Variants in EYS observed in about 807,000 individuals in gnomAD.
EYS encodes EGF-like photoreceptor maintenance factor.
EYS carries 250 observed loss-of-function variants against 282.1 expected under a neutral mutation model. That is an observed-to-expected ratio of 0.89 (90% CI 0.80 to 0.98). EYS has a LOEUF of 0.98. EYS is among the 50% of genes least tolerant of loss of function. The pLI, the probability that EYS is intolerant of heterozygous loss-of-function variation, is 0.00. For missense variants in EYS, 4,016 were observed against 3,709.0 expected (o/e 1.08, Z -2.15); for synonymous variants, 1,355 against 1,282.9 (o/e 1.06, Z -1.20).
chr6:64,913,103 C>G (rs1245046119), intron 15 of EYS, among the ~76,000 whole-genome samples: 2 of 151,970 alleles, frequency 1.3e-5, no homozygotes, highest in African/African-American at 4.8e-5. Flanking sequence ...TATTTATAAG[C>G]CTTAAATGCT....
At chr6:65,007,380 G>C (rs1407239390) in intron 13 of EYS, among the ~76,000 whole-genome samples, 1 of 152,110 alleles carries the variant, frequency 6.6e-6, no homozygotes, top group Non-Finnish European at 1.5e-5. Context: ...AGAAAGAAAT[G>C]ACTTATATTC....
intron 8 of EYS, among the ~76,000 whole-genome samples, chr6:65,382,273 A>G (rs536809612): frequency 2.8e-5 from 3 of 107,726 alleles, no homozygotes; most frequent in Non-Finnish European, 5.7e-5. Context: ...ATTTCTCTTT[A>G]ACTCTCAGGT....
At chr6:64,766,142 G>A (rs971307383) in intron 22 of EYS, among the ~76,000 whole-genome samples, 2 of 150,936 alleles carry the variant, frequency 1.3e-5, no homozygotes, top group Non-Finnish European at 3.0e-5. Context: ...TGGCCAGGAT[G>A]GTCTTAAACT....
At chr6:64,502,961 C>T (rs7746514) in intron 26 of EYS, among the ~76,000 whole-genome samples, 59,722 of 151,938 alleles carry the variant, frequency 0.39, 12,068 homozygotes, top group African/African-American at 0.51. Flanking sequence ...AAGTTCTTAA[C>T]GAACTGATAG....
chr6:64,284,517 G>A (rs1014868615), intron 30 of EYS, among the ~76,000 whole-genome samples: 13 of 152,086 alleles, frequency 8.5e-5, no homozygotes, highest in African/African-American at 3.1e-4. Flanking sequence ...CCATTCTGGG[G>A]TCTGGAGGAT....
chr6:63,974,974 A>C (rs1245470316), intron 35 of EYS, among the ~76,000 whole-genome samples: 1 of 151,932 alleles, frequency 6.6e-6, no homozygotes, highest in African/African-American at 2.4e-5. Flanking sequence ...ACGCTCTTCA[A>C]ATATGTGATC....
chr6:65,044,149 G>C (rs781028379), intron 13 of EYS, among the ~76,000 whole-genome samples: 1 of 151,704 alleles, frequency 6.6e-6, no homozygotes, highest in Non-Finnish European at 1.5e-5. Context: ...GTGATACTGA[G>C]CATTTTTAAA....
In EYS at chr6:64,670,402, AAAATAAATAAAT is replaced by A. The variant is rs60435635; in HGVS notation, c.3444-44169_3444-44158del. The stretch of plus-strand genomic sequence containing the variant: ...TTACTTTAACAATATGAAGTGGCCC[AAAATAAATAAAT>A]AAATAAATAAATAAATAAATAAATA... On this transcript the variant is annotated intron_variant, in intron 22 of 42. Transcript: ENST00000503581. Among the ~76,000 whole-genome samples the A allele has an allele frequency of 9.4e-3, 1,372 of 145,518 alleles. 13 individuals are homozygous for A. The highest frequency in any genetic ancestry group is 0.01 in the Middle Eastern group (3 of 286).
At chr6:64,802,131 T>A (rs536537707) in intron 22 of EYS, among the ~76,000 whole-genome samples, 1 of 149,566 alleles carries the variant, frequency 6.7e-6, no homozygotes, top group Non-Finnish European at 1.5e-5. Context: ...CCTCCCAGGT[T>A]CACGCCATTC....
rs529979463 is a variant in EYS at position 64,886,895 on chromosome 6, A to G, written c.2847-53T>C. 3.8e-5 allele frequency: 38 copies of G among 998,906 alleles called. No homozygotes were observed. In the Middle Eastern group the frequency reaches 1.4e-3, roughly 38 times the overall value. 61.9% of individuals were successfully genotyped at this position (998,906 alleles called of 1,614,324 possible). A position where few individuals can be genotyped will look rare whatever the true frequency, so the allele number is the denominator to read the frequency against. On this transcript the variant is annotated intron_variant, in intron 18 of 42. Coordinates refer to ENST00000503581, the MANE Select transcript of EYS (RefSeq NM_001142800.2). The stretch of plus-strand genomic sequence containing the variant: ...AGCCATGTAACAATGATAATCATTT[A>G]TTATATATGATTCATATTTATATTT...
chr6:64,601,268 C>T (rs1318042720), intron 24 of EYS, among the ~76,000 whole-genome samples: 1 of 152,052 alleles, frequency 6.6e-6, no homozygotes, highest in East Asian at 1.9e-4. Flanking sequence ...CTCTACTTCA[C>T]ACTTCTCTGA....
intron 26 of EYS, among the ~76,000 whole-genome samples, chr6:64,466,176 T>C (rs1326535790): frequency 6.6e-6 from 1 of 152,114 alleles, no homozygotes; most frequent in African/African-American, 2.4e-5. Context: ...ACAGCCATTA[T>C]GGAAAATGGT....
chr6:65,436,073 G>A (rs1172297792), intron 5 of EYS, among the ~76,000 whole-genome samples: 1 of 151,938 alleles, frequency 6.6e-6, no homozygotes, highest in Admixed American at 6.6e-5. Context: ...ACTAAACAGA[G>A]CATTTTATTT....
At chr6:65,095,601 A>G (rs1375157971) in intron 12 of EYS, among the ~76,000 whole-genome samples, 1 of 151,216 alleles carries the variant, frequency 6.6e-6, no homozygotes, top group Non-Finnish European at 1.5e-5. Context: ...TTTCTAATGA[A>G]GAAGAGCCCA....
At chr6:64,766,645 AAAAAATATATATATAT>A (rs1414101932) in intron 22 of EYS, among the ~76,000 whole-genome samples, 1,197 of 37,022 alleles carry the variant, frequency 0.032, 40 homozygotes, top group African/African-American at 0.087. Context: ...AAAAAAAAAA[AAAAAATATATATATAT>A]ATATATATAT....
intron 22 of EYS, among the ~76,000 whole-genome samples, chr6:64,766,880 C>A (rs1323892452): frequency 2.0e-5 from 3 of 150,596 alleles, no homozygotes; most frequent in South Asian, 2.1e-4. Context: ...CTAAGGAGAG[C>A]AAAAGAATAA....
At chr6:65,219,052 C>A (rs1211749392) in intron 12 of EYS, among the ~76,000 whole-genome samples, 1 of 151,990 alleles carries the variant, frequency 6.6e-6, no homozygotes, top group Non-Finnish European at 1.5e-5. Flanking sequence ...CTCAGCAAGC[C>A]TTAATTTACA....
chr6:64,222,553 A>G (rs143728652), intron 31 of EYS, among the ~76,000 whole-genome samples: 267 of 152,136 alleles, frequency 1.8e-3, no homozygotes, highest in Non-Finnish European at 3.4e-3. Context: ...AGAGAATAGT[A>G]TTTTCTTACA....
chr6:63,732,838 C>T (rs1347745443), intron 41 of EYS, among the ~76,000 whole-genome samples: 2 of 152,196 alleles, frequency 1.3e-5, no homozygotes, highest in Non-Finnish European at 2.9e-5. Context: ...ATTATTTGTG[C>T]TGTCATCCTT....
Sources: allele counts gnomAD v4.1 joint callset (sites outside exome capture counted in the v4.1 genomes callset), GRCh38; gene constraint gnomAD v4.1.1; transcripts MANE v1.5; gene names NCBI Gene and HGNC (gene_info 2026-07-23, HGNC 2026-07-21).